The following ECPAS variants were observed in gnomAD, a reference collection of about 807,000 sequenced individuals.
The protein encoded by ECPAS is proteasome adapter and scaffold protein ECM29.
ECPAS carries 70 observed loss-of-function variants against 255.1 expected under a neutral mutation model. The ratio of observed to expected loss-of-function variants is 0.27; its 90% CI spans 0.23 to 0.33. The LOEUF (loss-of-function observed/expected upper bound fraction) is 0.33, where lower values mean the gene tolerates loss of function less well. ECPAS is among the 10% of genes least tolerant of loss of function. ECPAS has a pLI of 1.00. For missense variants in ECPAS, 1,817 were observed against 2,206.4 expected (o/e 0.82, Z 3.54); for synonymous variants, 784 against 775.0 (o/e 1.01, Z -0.19).
At chr9:111,427,436 A>T (rs996694030) in intron 10 of ECPAS, among the ~76,000 whole-genome samples, 3 of 149,046 alleles carry the variant, frequency 2.0e-5, no homozygotes, top group Non-Finnish European at 4.5e-5. Context: ...AGCCACACAT[A>T]AAAAAAAACC....
At chr9:111,417,438 T>C (rs2098205578) in intron 17 of ECPAS, among the ~76,000 whole-genome samples, 2 of 152,076 alleles carry the variant, frequency 1.3e-5, no homozygotes, top group African/African-American at 4.8e-5. Flanking sequence ...TTATTGTAAG[T>C]ATTAATGCTA....
rs1266694678 is a variant in ECPAS at position 111,394,197 on chromosome 9, G to A, written c.2885C>T (p.Ser962Phe). 1.2e-6 allele frequency: 2 copies of A among 1,609,088 alleles called. No homozygotes were observed. The highest frequency in any genetic ancestry group is 1.7e-6 in the Non-Finnish European group (2 of 1,177,570). Reference protein sequence around the residue: ...VRQAACIWLLSLVRKLSTHKE... With the variant: ...VRQAACIWLLFLVRKLSTHKE... ...GTGGGTACTTAGCTTCCTGACAAGG[G>A]AAAGGAGCCAGATGCAGGCTGCTTG... The change falls in exon 26 of 50, where the codon TCC becomes TTC. Residue 962 changes from serine (S) to phenylalanine (F), a missense_variant. Transcript: ENST00000684092.
At chr9:111,398,103 C>T (rs1012186499) in intron 24 of ECPAS, among the ~76,000 whole-genome samples, 11 of 152,250 alleles carry the variant, frequency 7.2e-5, no homozygotes, top group Admixed American at 1.3e-4. Context: ...GCTATAAACA[C>T]GCTACTCTTC....
At chr9:111,380,353 T>C (rs1035740388) in intron 35 of ECPAS, among the ~76,000 whole-genome samples, 2 of 152,200 alleles carry the variant, frequency 1.3e-5, no homozygotes, top group Non-Finnish European at 2.9e-5. Flanking sequence ...TTTTGTTTGT[T>C]TGTTTTTTGT....
chr9:111,416,576 A>G (rs541608695), intron 17 of ECPAS, among the ~76,000 whole-genome samples: 58 of 152,304 alleles, frequency 3.8e-4, no homozygotes, highest in Middle Eastern at 3.4e-3. Flanking sequence ...TGGTTTGTTT[A>G]AAAATAATAA....
chr9:111,366,405 T>C (rs2098120380), intron 47 of ECPAS, 78 bp from the exon 48 acceptor site: 2 of 1,295,358 alleles, frequency 1.5e-6, no homozygotes, highest in Non-Finnish European at 2.2e-6. Context: ...AATTTCTATC[T>C]GTATGTATCA....
chr9:111,379,992 G>C (rs2098138521), intron 35 of ECPAS, among the ~76,000 whole-genome samples: 1 of 152,144 alleles, frequency 6.6e-6, no homozygotes, highest in African/African-American at 2.4e-5. Context: ...ATGACATTTT[G>C]ACCTCCTCCC....
chr9:111,449,027 A>C (rs1350745123), intron 3 of ECPAS, among the ~76,000 whole-genome samples: 1 of 152,166 alleles, frequency 6.6e-6, no homozygotes, highest in African/African-American at 2.4e-5. Flanking sequence ...TCCTGGCCTG[A>C]CCATTTGTTA....
chr9:111,469,867 C>T (rs769148784), intron 2 of ECPAS, among the ~76,000 whole-genome samples: 3 of 152,128 alleles, frequency 2.0e-5, no homozygotes, highest in Non-Finnish European at 4.4e-5. Context: ...ATCTCTACTC[C>T]TGTTTGTAAA....
chr9:111,395,843 C>T (rs1012079672), intron 25 of ECPAS, among the ~76,000 whole-genome samples: 2 of 152,186 alleles, frequency 1.3e-5, no homozygotes, highest in Non-Finnish European at 1.5e-5. Context: ...TTACCTCCTT[C>T]CTTCTATACA....
chr9:111,361,836 C>T lies in ECPAS; in HGVS notation c.*194G>A, dbSNP rs1431337233. On this transcript the variant is annotated 3_prime_UTR_variant, in exon 50 of 50. Transcript: ENST00000684092. Reference sequence around the variant, plus strand: ...CCAAGGTTCCATTAAGCTCACTCAGCCCAGATACTTTAAAAACATAAAGTA... The same window carrying T: ...CCAAGGTTCCATTAAGCTCACTCAGTCCAGATACTTTAAAAACATAAAGTA... 3.6e-6 allele frequency: 2 copies of T among 548,684 alleles called. No homozygotes were observed. Among genetic ancestry groups the T allele is most frequent in the East Asian group, 6.7e-5 (2 of 29,642 alleles). 34.0% of individuals were successfully genotyped at this position (548,684 alleles called of 1,614,324 possible). A position where few individuals can be genotyped will look rare whatever the true frequency, so the allele number is the denominator to read the frequency against.
At chr9:111,418,861 C>CTA (rs1248142102) in intron 16 of ECPAS, among the ~76,000 whole-genome samples, 4 of 152,118 alleles carry the variant, frequency 2.6e-5, no homozygotes, top group Non-Finnish European at 4.4e-5. Flanking sequence ...GGTTGGGAAA[C>CTA]TAACGTAAAA....
rs751836701 is a variant in ECPAS at position 111,422,165 on chromosome 9, A to G, written c.1301T>C (p.Leu434Pro). 1.2e-6 allele frequency: 2 copies of G among 1,613,810 alleles called. No homozygotes were observed. The highest frequency in any genetic ancestry group is 3.3e-5 in the Admixed American group (2 of 59,994). The part of the protein sequence containing the change: ...MPHLFTKDIA[L>P]VQQLFEALCK... ...AAGGGCTTCAAAAAGCTGCTGCACA[A>G]GCGCTATATCCTTAGTGAATAAATG... Residue 434 changes from leucine (L) to proline (P), a missense_variant, in exon 14 of 50, where the codon CTT becomes CCT. This residue lies in a region of ECPAS where 573 missense variants were observed against 716.2 expected (regional missense o/e 0.80). Coordinates refer to ENST00000684092, the MANE Select transcript of ECPAS (RefSeq NM_001364929.1).
chr9:111,462,630 T>C (rs2098274476), intron 2 of ECPAS, among the ~76,000 whole-genome samples: 1 of 152,050 alleles, frequency 6.6e-6, no homozygotes, highest in Non-Finnish European at 1.5e-5. Flanking sequence ...CTACAAGTTA[T>C]CTGGAAATAA....
intron 2 of ECPAS, among the ~76,000 whole-genome samples, chr9:111,468,162 A>G (rs2098281781): frequency 6.6e-6 from 1 of 152,128 alleles, no homozygotes. Flanking sequence ...AAAACAAAAC[A>G]AAACAAAAAC....
chr9:111,411,120 G>A lies in ECPAS; in HGVS notation c.2237C>T (p.Ser746Phe). Residue 746 changes from serine to phenylalanine, a missense_variant, in exon 22 of 50, where the codon TCC (serine) becomes TTC (phenylalanine). By Grantham distance (155) the Ser-to-Phe change is radical. Coordinates refer to ENST00000684092, the MANE Select transcript of ECPAS (RefSeq NM_001364929.1). ...CACCGTGAATCCCAATGCAAGCAAG[G>A]ATCCATGCTGTATCTCCGGGCTCTG... ...DNHSPEIQHG[S>F]LLALGFTVGR... 1 of 1,613,592 alleles carries A rather than the reference G, an allele frequency of 6.2e-7. No homozygotes were observed.
rs1423451418 is a variant in ECPAS at position 111,361,911 on chromosome 9, G to C, written c.*119C>G. 3 of 1,159,976 alleles carry C rather than the reference G, an allele frequency of 2.6e-6. No individual in the cohort carries two copies. Among genetic ancestry groups the C allele is most frequent in the Non-Finnish European group, 3.5e-6 (3 of 850,130 alleles). The allele number at this position is 1,159,976 out of a possible 1,614,324, so 71.9% of individuals were successfully genotyped here. On this transcript the variant is annotated 3_prime_UTR_variant, in exon 50 of 50. Transcript: ENST00000684092. ...TTTAAGGCTTTTTCTTTTTATTTCA[G>C]CCAAGGAATGATGCATGCTACAGAT... is the stretch of plus-strand genomic sequence containing the variant.
chr9:111,397,227 G>C, intron 24 of ECPAS, 74 bp from the exon 25 acceptor site: 1 of 1,570,120 alleles, frequency 6.4e-7, no homozygotes, highest in Non-Finnish European at 8.7e-7. Flanking sequence ...CAGAAAGCCT[G>C]CTTAAAAGTG....
intron 1 of ECPAS, among the ~76,000 whole-genome samples, chr9:111,480,217 A>G (rs1308286378): frequency 6.6e-6 from 1 of 150,726 alleles, no homozygotes; most frequent in Admixed American, 6.6e-5. Flanking sequence ...ACTATCATCT[A>G]CTAGTCATAA....
Sources: gnomAD v4.1 joint callset for allele counts (sites outside exome capture counted in the v4.1 genomes callset) on GRCh38, gnomAD v4.1.1 for gene constraint, gnomAD v4.1.1 regional missense constraint, MANE v1.5 for transcripts, NCBI Gene and HGNC (gene_info 2026-07-23, HGNC 2026-07-21) for gene names.